PRKCI: variants seen among roughly 807,000 people sequenced by gnomAD.
The protein encoded by PRKCI is protein kinase C iota type.
Under a neutral mutation model 84.0 loss-of-function variants are expected in PRKCI, and 43 were observed. The observed-to-expected ratio is 0.51, with a 90% CI of 0.40 to 0.66. The LOEUF is 0.66. Among genes scored for constraint, PRKCI ranks in the 30% least tolerant of loss-of-function variants. PRKCI has a pLI of 0.00. For synonymous variants in PRKCI, 216 were observed against 234.4 expected (o/e 0.92, Z 0.72); for missense variants, 459 against 745.6 (o/e 0.62, Z 4.48).
chr3:170,281,355 G>C, intron 10 of PRKCI, 92 bp downstream of exon 10: 1 of 975,794 alleles, frequency 1.0e-6, no homozygotes, highest in Admixed American at 2.0e-5. Flanking sequence ...TCATGAAGTT[G>C]ATATCATGGA....
chr3:170,235,440 T>A, intron 2 of PRKCI, 89 bp downstream of exon 2: 1 of 1,406,430 alleles, frequency 7.1e-7, no homozygotes, highest in South Asian at 1.4e-5. Context: ...CCTAAAAAGT[T>A]TAAGAGGAAA....
At chr3:170,293,255 G>T in intron 13 of PRKCI, 128 bp from the exon 14 acceptor site, 1 of 795,494 alleles carries the variant, frequency 1.3e-6, no homozygotes, top group Non-Finnish European at 1.9e-6. Context: ...TGCCTACCAT[G>T]ATAGTTGGAA....
At chr3:170,267,865 T>G in intron 4 of PRKCI, 50 bp from the exon 5 acceptor site, 1 of 1,364,450 alleles carries the variant, frequency 7.3e-7, no homozygotes, top group South Asian at 1.4e-5. Flanking sequence ...AAAATGATTT[T>G]TACTCAAACT....
chr3:170,269,241 A>T (rs975746447), intron 5 of PRKCI, among the ~76,000 whole-genome samples: 7 of 152,176 alleles, frequency 4.6e-5, no homozygotes, highest in Non-Finnish European at 7.4e-5. Context: ...AATACTCTTG[A>T]TAACCGCAAA....
At position 170,286,811 on chromosome 3, in the gene PRKCI, C is replaced by CTTT. The variant is rs74869773; in HGVS notation, c.1203+2227_1203+2229dup. Among the ~76,000 whole-genome samples, 6 of 139,954 alleles carry CTTT rather than the reference C, an allele frequency of 4.3e-5. No homozygotes were observed. In the Admixed American group the frequency reaches 4.3e-4, roughly 10 times the overall value. 91.8% of individuals were successfully genotyped at this position (139,954 alleles called of 152,430 possible). A position where few individuals can be genotyped will look rare whatever the true frequency, so the allele number is the denominator to read the frequency against. Reference sequence around the variant, plus strand: ...TTTATTTTTATTTTATTTTTACTTTCTTTTTTTTTTTTTTAAATAGAGACG... The same window carrying CTTT: ...TTTATTTTTATTTTATTTTTACTTTCTTTTTTTTTTTTTTTTTAAATAGAGACG... On this transcript the variant is annotated intron_variant, in intron 12 of 17. Coordinates refer to ENST00000295797, the MANE Select transcript of PRKCI (RefSeq NM_002740.6).
chr3:170,265,901 G>A (rs967359962), intron 4 of PRKCI, among the ~76,000 whole-genome samples: 2 of 152,044 alleles, frequency 1.3e-5, no homozygotes, highest in African/African-American at 2.4e-5. Context: ...GATTACGGGC[G>A]TGAGCCACCG....
chr3:170,285,329 T>C (rs1313057701), intron 12 of PRKCI, among the ~76,000 whole-genome samples: 1 of 152,232 alleles, frequency 6.6e-6, no homozygotes, highest in Non-Finnish European at 1.5e-5. Context: ...TCCGCCTGCC[T>C]CAGCCTCCCA....
At chr3:170,265,425 T>C (rs1733835066) in intron 4 of PRKCI, among the ~76,000 whole-genome samples, 1 of 152,168 alleles carries the variant, frequency 6.6e-6, no homozygotes, top group Admixed American at 6.5e-5. Flanking sequence ...CTACTCTTTG[T>C]TCTAATGTAA....
intron 2 of PRKCI, among the ~76,000 whole-genome samples, chr3:170,250,752 T>C (rs1733424023): frequency 6.6e-6 from 1 of 152,196 alleles, no homozygotes; most frequent in Non-Finnish European, 1.5e-5. Flanking sequence ...TGGTAACTGT[T>C]TAACCTTGTG....
intron 1 of PRKCI, among the ~76,000 whole-genome samples, chr3:170,230,791 G>A (rs1382853700): frequency 6.6e-6 from 1 of 151,920 alleles, no homozygotes; most frequent in Non-Finnish European, 1.5e-5. Flanking sequence ...TGGTAACTCT[G>A]TTATGTACTA....
chr3:170,222,914 C>G (rs979347835), intron 1 of PRKCI, 144 bp downstream of exon 1: 1 of 648,352 alleles, frequency 1.5e-6, no homozygotes, highest in Non-Finnish European at 2.5e-6. Flanking sequence ...GGGTGAGTGA[C>G]GAAGTGATAG....
intron 2 of PRKCI, among the ~76,000 whole-genome samples, chr3:170,259,226 C>A (rs1213007792): frequency 3.3e-5 from 5 of 152,118 alleles, no homozygotes; most frequent in Non-Finnish European, 7.4e-5. Context: ...AACAAAATGG[C>A]CAGGTGTGGT....
intron 2 of PRKCI, among the ~76,000 whole-genome samples, chr3:170,249,042 G>A (rs754739118): frequency 2.0e-5 from 3 of 151,874 alleles, no homozygotes; most frequent in South Asian, 4.1e-4. Context: ...TAGAGACGGG[G>A]TTTCACCATG....
intron 1 of PRKCI, among the ~76,000 whole-genome samples, chr3:170,232,281 AC>A (rs1453886938): frequency 6.6e-6 from 1 of 152,096 alleles, no homozygotes; most frequent in African/African-American, 2.4e-5. Context: ...GAACTCCTGT[AC>A]CGAAGCGATC....
intron 12 of PRKCI, 62 bp from the exon 13 acceptor site, chr3:170,291,788 TAGAA>T (rs1205732929): frequency 1.0e-5 from 13 of 1,267,642 alleles, no homozygotes; most frequent in Admixed American, 6.8e-5. Flanking sequence ...ATAGGTGAAA[TAGAA>T]AGGGTGAATT....
intron 1 of PRKCI, among the ~76,000 whole-genome samples, chr3:170,225,911 T>G (rs571588170): frequency 1.3e-5 from 2 of 151,978 alleles, no homozygotes; most frequent in South Asian, 4.1e-4. Flanking sequence ...TTTATTTTAT[T>G]TTATTTATTT....
At chr3:170,296,095 G>A in intron 15 of PRKCI, 105 bp downstream of exon 15, 2 of 590,634 alleles carry the variant, frequency 3.4e-6, no homozygotes, top group Middle Eastern at 5.3e-4. Context: ...AGTAGAGAAT[G>A]TAACTTTTTC....
chr3:170,252,565 C>G (rs1733480249), intron 2 of PRKCI, among the ~76,000 whole-genome samples: 1 of 151,690 alleles, frequency 6.6e-6, no homozygotes, highest in South Asian at 2.1e-4. Flanking sequence ...GTTGTGCTAT[C>G]AAGTACTAGA....
chr3:170,269,988 A>C (rs1032757693), intron 5 of PRKCI, among the ~76,000 whole-genome samples: 3 of 151,880 alleles, frequency 2.0e-5, no homozygotes, highest in Non-Finnish European at 4.4e-5. Flanking sequence ...AAGAAGAAGA[A>C]GGCGGCTTTG....
Sources: gnomAD v4.1 joint callset for allele counts (sites outside exome capture counted in the v4.1 genomes callset) on GRCh38, gnomAD v4.1.1 for gene constraint, MANE v1.5 for transcripts, NCBI Gene and HGNC (gene_info 2026-07-23, HGNC 2026-07-21) for gene names.